SHLD1: variants seen among roughly 807,000 people sequenced by gnomAD.
SHLD1 encodes the protein RINN1-REV7-interacting novel NHEJ regulator 3.
Under a neutral mutation model 5.5 loss-of-function variants are expected in SHLD1, and 3 were observed. The ratio of observed to expected loss-of-function variants is 0.54; its 90% confidence interval spans 0.25 to 1.40. SHLD1 has a LOEUF of 1.40. Among genes scored for constraint, SHLD1 ranks in the 40% most tolerant of loss-of-function variants. The probability of loss-of-function intolerance (pLI) is 0.15; values close to 1 mark genes in which losing one functional copy is unlikely to be tolerated. For missense variants in SHLD1, 210 were observed against 244.4 expected (o/e 0.86, Z 0.94); for synonymous variants, 92 against 94.3 (o/e 0.98, Z 0.14).
intron 2 of SHLD1, among the ~76,000 whole-genome samples, chr20:5,835,050 C>T (rs994104758): frequency 6.6e-6 from 1 of 152,126 alleles, no homozygotes; most frequent in Non-Finnish European, 1.5e-5. Context: ...AGCAGGCTAC[C>T]CTTCTCAAAC....
rs955246821 is a variant in SHLD1 at position 5,843,359 on chromosome 20, TTCTC to T, written c.179-19655_179-19652del. On this transcript the variant is annotated intron_variant, in intron 2 of 2. Coordinates refer to ENST00000303142, the MANE Select transcript of SHLD1 (RefSeq NM_152504.4). ...ATCTTGGGGCAGATATTTCTTTTTT[TTCTC>T]TCTCTCTCTACCCAGAGCCAAGGCC... is the stretch of plus-strand genomic sequence containing the variant. Among the ~76,000 whole-genome samples the T allele has an allele frequency of 9.9e-5, 15 of 151,988 alleles. No individual in the cohort carries two copies. In the South Asian group the frequency reaches 2.9e-3, roughly 30 times the overall value.
intron 2 of SHLD1, among the ~76,000 whole-genome samples, chr20:5,808,111 C>G (rs540634234): frequency 1.3e-5 from 2 of 152,190 alleles, no homozygotes; most frequent in East Asian, 3.9e-4. Context: ...GAGACCCTGT[C>G]TTTACTAAAA....
At chr20:5,786,159 G>T (rs936310063) in intron 2 of SHLD1, among the ~76,000 whole-genome samples, 36 of 152,152 alleles carry the variant, frequency 2.4e-4, no homozygotes, top group African/African-American at 8.2e-4. Context: ...AGCCATAGAA[G>T]CTAGAATCCC....
intron 2 of SHLD1, among the ~76,000 whole-genome samples, chr20:5,774,256 T>A (rs551002729): frequency 2.6e-5 from 4 of 152,026 alleles, no homozygotes; most frequent in Non-Finnish European, 4.4e-5. Flanking sequence ...AAATATATAT[T>A]TTTAGAAAGA....
intron 2 of SHLD1, among the ~76,000 whole-genome samples, chr20:5,796,480 C>T (rs959624537): frequency 5.3e-5 from 8 of 151,996 alleles, no homozygotes; most frequent in African/African-American, 1.9e-4. Context: ...TTTTAAAACC[C>T]ATAGCGAATT....
At chr20:5,824,619 T>C in intron 2 of SHLD1, among the ~76,000 whole-genome samples, 1 of 147,444 alleles carries the variant, frequency 6.8e-6, no homozygotes, top group Admixed American at 6.8e-5. Flanking sequence ...GTTTTTGTTG[T>C]TGTTTGTTTT....
intron 2 of SHLD1, among the ~76,000 whole-genome samples, chr20:5,835,211 C>G (rs2087775750): frequency 6.6e-6 from 1 of 152,170 alleles, no homozygotes; most frequent in African/African-American, 2.4e-5. Context: ...ACACATTTGC[C>G]TCCCCTTTGT....
intron 1 of SHLD1, among the ~76,000 whole-genome samples, chr20:5,756,031 A>G (rs540564577): frequency 3.9e-5 from 6 of 152,238 alleles, no homozygotes; most frequent in South Asian, 2.1e-4. Flanking sequence ...TCTTATTGCT[A>G]TGAAGAATCT....
intron 2 of SHLD1, among the ~76,000 whole-genome samples, chr20:5,781,502 G>A (rs1208463066): frequency 6.6e-6 from 1 of 152,176 alleles, no homozygotes; most frequent in African/African-American, 2.4e-5. Flanking sequence ...TCTTTAGACT[G>A]AGTCTCGCTC....
Position 5,863,345 on chromosome 20 carries a change from C to T in SHLD1, c.500C>T (p.Thr167Ile). The T allele has an allele frequency of 1.2e-6, 2 of 1,614,220 alleles. No homozygotes were observed. Among genetic ancestry groups the T allele is most frequent in the Non-Finnish European group, 1.7e-6 (2 of 1,180,036 alleles). ...GTCTTACAGAGGCATTCCAGGGACA[C>T]CCACTTCTACCCACTGGAGGAAGGA... is the stretch of plus-strand genomic sequence containing the variant. ...CSVLQRHSRD[T>I]HFYPLEEGST... is the part of the protein sequence containing the mutation. The change falls in exon 3 of 3, where the codon ACC (threonine) becomes ATC (isoleucine). Residue 167 changes from threonine to isoleucine, a missense_variant. Transcript: ENST00000303142.
intron 2 of SHLD1, among the ~76,000 whole-genome samples, chr20:5,784,006 G>A (rs2087022239): frequency 6.6e-6 from 1 of 152,078 alleles, no homozygotes; most frequent in African/African-American, 2.4e-5. Flanking sequence ...ACAAAAATTA[G>A]CCAGGTTGGT....
intron 1 of SHLD1, among the ~76,000 whole-genome samples, chr20:5,754,177 C>G (rs1983927832): frequency 1.3e-5 from 2 of 152,104 alleles, no homozygotes; most frequent in South Asian, 4.1e-4. Flanking sequence ...GTGGTGTCAT[C>G]TCAGCTCACT....
intron 2 of SHLD1, among the ~76,000 whole-genome samples, chr20:5,791,561 C>T (rs1419115311): frequency 2.6e-5 from 2 of 76,708 alleles, no homozygotes; most frequent in Non-Finnish European, 5.0e-5. Context: ...AAGACCCTGT[C>T]TCAAAAAAAA....
intron 2 of SHLD1, among the ~76,000 whole-genome samples, chr20:5,853,277 C>A (rs371421941): frequency 3.3e-5 from 5 of 152,168 alleles, no homozygotes; most frequent in East Asian, 3.9e-4. Flanking sequence ...GAAACCCCAT[C>A]TCTACTAAAA....
chr20:5,828,645 T>A (rs2087693438), intron 2 of SHLD1, among the ~76,000 whole-genome samples: 1 of 152,244 alleles, frequency 6.6e-6, no homozygotes, highest in South Asian at 2.1e-4. Context: ...TTTCTGCAAT[T>A]CTTTTGCTTC....
At chr20:5,809,854 C>T (rs2087434164) in intron 2 of SHLD1, among the ~76,000 whole-genome samples, 1 of 152,092 alleles carries the variant, frequency 6.6e-6, no homozygotes, top group South Asian at 2.1e-4. Context: ...AGCCCGATAG[C>T]GCTGAGGGTA....
At chr20:5,802,689 C>T (rs2087311074) in intron 2 of SHLD1, among the ~76,000 whole-genome samples, 1 of 151,978 alleles carries the variant, frequency 6.6e-6, no homozygotes, top group Admixed American at 6.6e-5. Flanking sequence ...CTCTGTTGCT[C>T]AGGCTGGAGT....
intron 2 of SHLD1, among the ~76,000 whole-genome samples, chr20:5,813,807 C>T (rs750495606): frequency 2.7e-4 from 41 of 152,018 alleles, no homozygotes; most frequent in Non-Finnish European, 4.7e-4. Context: ...TGGAAAAGAG[C>T]AAGAGAAATA....
chr20:5,792,229 T>C (rs2087151261), intron 2 of SHLD1, among the ~76,000 whole-genome samples: 1 of 152,222 alleles, frequency 6.6e-6, no homozygotes, highest in Non-Finnish European at 1.5e-5. Context: ...TTTTGTTTCC[T>C]GTACTTTCGG....
Sources: gnomAD v4.1 joint callset for allele counts (sites outside exome capture counted in the v4.1 genomes callset) on GRCh38, gnomAD v4.1.1 for gene constraint, MANE v1.5 for transcripts, NCBI Gene and HGNC (gene_info 2026-07-23, HGNC 2026-07-21) for gene names.